Variants in EPRS1 observed in about 807,000 individuals in gnomAD.
EPRS1 encodes bifunctional glutamate/proline--tRNA ligase.
In EPRS1, 107 loss-of-function variants were observed where a neutral mutation model predicts 188.3. The observed-to-expected ratio is 0.57, with a 90% confidence interval of 0.49 to 0.67. EPRS1 has a LOEUF of 0.67. Ranked by LOEUF, EPRS1 falls within the 30% of genes least tolerant of loss-of-function variation. The pLI is 0.00. For synonymous variants in EPRS1, 596 were observed against 593.1 expected (o/e 1.00, Z -0.07); for missense variants, 1,577 against 1,802.2 (o/e 0.88, Z 2.26).
At chr1:220,034,884 A>C in intron 3 of EPRS1, 30 bp downstream of exon 3, 5 of 1,245,808 alleles carry the variant, frequency 4.0e-6, no homozygotes, top group Non-Finnish European at 5.9e-6. Flanking sequence ...CATAAGACAA[A>C]ACACACACAA....
rs1476347225 is a variant in EPRS1, at chr1:219,997,316, TG to T, written c.2207del (p.Pro736GlnfsTer5). 6.2e-7 allele frequency: 1 copy of T among 1,607,264 alleles called. No individual in the cohort carries two copies. The highest frequency in any genetic ancestry group is 1.7e-5 in the Admixed American group (1 of 58,964). ...NETSAPFKERPTPSLNNNCTT... is the reference protein window; with the variant it reads ...NETSAPFKERXTPSLNNNCTT... ...TACAATTATTATTCAGAGAAGGTGT[TG>T]GTCTTTCCTTAAAAGGAGCAGAGGT... is the stretch of plus-strand genomic sequence containing the variant. On this transcript the variant is annotated frameshift_variant, in exon 18 of 32. Coordinates refer to ENST00000366923, the MANE Select transcript of EPRS1 (RefSeq NM_004446.3). LOFTEE classifies it high-confidence loss of function.
intron 17 of EPRS1, among the ~76,000 whole-genome samples, chr1:219,999,943 T>G (rs1440012654): frequency 6.6e-6 from 1 of 151,976 alleles, no homozygotes; most frequent in Admixed American, 6.6e-5. Context: ...ACCACTGCAC[T>G]CCAGCCTGGG....
chr1:220,018,321 C>A, intron 12 of EPRS1, 128 bp downstream of exon 12: 1 of 965,338 alleles, frequency 1.0e-6, no homozygotes, highest in East Asian at 2.5e-5. Flanking sequence ...TTCCATTTTC[C>A]TGAAAGTCTG....
intron 1 of EPRS1, 117 bp downstream of exon 1, chr1:220,046,226 G>A: frequency 7.9e-7 from 1 of 1,271,192 alleles, no homozygotes; most frequent in Non-Finnish European, 1.1e-6. Context: ...CGAGGGGCAG[G>A]TCCAACATCC....
At position 220,029,574 on chromosome 1, in the gene EPRS1, T is replaced by A. The variant is rs189878135; in HGVS notation, c.623+812A>T. Among the ~76,000 whole-genome samples, 9 of 152,304 alleles carry A rather than the reference T, an allele frequency of 5.9e-5. No homozygotes were observed. In the East Asian group the frequency reaches 1.7e-3, roughly 29 times the overall value. ...TGATAGAATACAAAATCTGAAAAAA[T>A]TAAATTTGGAAATCTTAAATTTGGA... On this transcript the variant is annotated intron_variant, in intron 6 of 31. Transcript: ENST00000366923.
chr1:220,025,419 C>T (rs1441630504), intron 6 of EPRS1, among the ~76,000 whole-genome samples, 161 bp from the exon 7 acceptor site: 1 of 65,802 alleles, frequency 1.5e-5, no homozygotes, highest in East Asian at 5.2e-4. Flanking sequence ...GAAAATCTGA[C>T]CCTGACAGGA....
chr1:220,006,193 T>C lies in EPRS1; in HGVS notation c.1863A>G (p.Val621=). The C allele has an allele frequency of 6.2e-7, 1 of 1,606,498 alleles. No individual in the cohort carries two copies. The highest frequency in any genetic ancestry group is 8.5e-7 in the Non-Finnish European group (1 of 1,175,236). ...TCAAGTGCTCATAAGTGACACAGAT[T>C]ACTGGAATAGGAAGAGCATGTGTAG... The part of the protein sequence containing the change: ...AETTHALPIP[V]ICVTYEHLIT... Residue 621 remains valine (V), a synonymous_variant, in exon 15 of 32, where the codon GTA becomes GTG. Transcript: ENST00000366923.
chr1:219,974,431 T>A (rs1421112445), intron 28 of EPRS1, among the ~76,000 whole-genome samples: 1 of 152,246 alleles, frequency 6.6e-6, no homozygotes, highest in Non-Finnish European at 1.5e-5. Flanking sequence ...ATTAAAATCC[T>A]TAAGGCTTAG....
intron 1 of EPRS1, among the ~76,000 whole-genome samples, chr1:220,045,969 T>C (rs1012139970): frequency 6.6e-6 from 1 of 152,216 alleles, no homozygotes; most frequent in Non-Finnish European, 1.5e-5. Context: ...GCGACGACTA[T>C]TGGATTTTAA....
chr1:220,015,236 G>A (rs149135370), intron 12 of EPRS1, among the ~76,000 whole-genome samples: 3,053 of 152,110 alleles, frequency 0.02, 95 homozygotes, highest in African/African-American at 0.062. Flanking sequence ...AGGCTGAGGC[G>A]GGTGGATCAA....
At chr1:220,025,055 T>A (rs758777569) in intron 7 of EPRS1, 77 bp downstream of exon 7, 9 of 1,383,138 alleles carry the variant, frequency 6.5e-6, no homozygotes, top group Non-Finnish European at 8.2e-6. Flanking sequence ...TTTATTTTCA[T>A]ACCATGAAGG....
intron 13 of EPRS1, among the ~76,000 whole-genome samples, chr1:220,008,292 T>A (rs1028629084): frequency 1.3e-5 from 2 of 151,850 alleles, no homozygotes; most frequent in Non-Finnish European, 2.9e-5. Flanking sequence ...ATTATCTATA[T>A]AGATATAGAT....
intron 12 of EPRS1, among the ~76,000 whole-genome samples, chr1:220,016,263 G>A (rs562342964): frequency 2.6e-5 from 4 of 151,588 alleles, no homozygotes; most frequent in Admixed American, 2.6e-4. Flanking sequence ...AGAATCATTT[G>A]AACCCGGGAG....
Position 219,979,488 on chromosome 1 carries a change from A to G in EPRS1, c.3839T>C (p.Ile1280Thr), listed in dbSNP as rs1660850864. Residue 1280 changes from isoleucine (I) to threonine (T), a missense_variant, in exon 27 of 32, where the codon ATT becomes ACT. By Grantham distance (89) the Ile-to-Thr change is moderately conservative. Around this residue, in one of 3 missense-constraint regions of EPRS1, gnomAD observed 296 missense variants for 327.9 expected, o/e 0.90. Coordinates refer to ENST00000366923, the MANE Select transcript of EPRS1 (RefSeq NM_004446.3). The part of the protein sequence containing the change: ...QNSWGLTTRT[I>T]GVMTMVHGDN... ...CCCATGAACCATGGTCATAACACCA[A>G]TAGTTCGAGTTGTCAGGCCCCAGGA... is the stretch of plus-strand genomic sequence containing the variant. 3 of 1,614,124 alleles carry G rather than the reference A, an allele frequency of 1.9e-6. No individual in the cohort carries two copies. Among genetic ancestry groups the G allele is most frequent in the Non-Finnish European group, 2.5e-6 (3 of 1,179,996 alleles).
Position 220,011,034 on chromosome 1 carries a change from C to T in EPRS1, c.1517G>A (p.Arg506Gln). 3 of 1,611,320 alleles carry T rather than the reference C, an allele frequency of 1.9e-6. No homozygotes were observed. The highest frequency in any genetic ancestry group is 2.5e-6 in the Non-Finnish European group (3 of 1,177,548). The part of the protein sequence containing the change: ...NKKVIDPVAP[R>Q]YVALLKKEVI... ...TTCTTTCTTCAGTAATGCAACATAT[C>T]GTGGAGCCACTGGGTCAATAACCTG... The change falls in exon 13 of 32, where the codon CGA becomes CAA. Residue 506 changes from arginine (R) to glutamine (Q), a missense_variant. Coordinates refer to ENST00000366923, the MANE Select transcript of EPRS1 (RefSeq NM_004446.3).
chr1:220,042,714 G>A (rs1662319932), intron 1 of EPRS1, among the ~76,000 whole-genome samples: 1 of 151,808 alleles, frequency 6.6e-6, no homozygotes, highest in South Asian at 2.1e-4. Flanking sequence ...GAGGTCAAGA[G>A]ATCGAGACCA....
intron 24 of EPRS1, among the ~76,000 whole-genome samples, 199 bp from the exon 25 acceptor site, chr1:219,981,056 A>C (rs1252045231): frequency 6.6e-6 from 1 of 151,990 alleles, no homozygotes; most frequent in Non-Finnish European, 1.5e-5. Context: ...ACGCCAATGC[A>C]GCTGGCTAAT....
At chr1:219,973,131 A>T (rs1660701201) in intron 29 of EPRS1, 107 bp downstream of exon 29, 3 of 854,748 alleles carry the variant, frequency 3.5e-6, no homozygotes, top group Non-Finnish European at 5.6e-6. Flanking sequence ...GTTCAGAGGG[A>T]GGGAACAATT....
chr1:220,036,643 T>C (rs775761923), intron 2 of EPRS1, among the ~76,000 whole-genome samples: 1 of 151,846 alleles, frequency 6.6e-6, no homozygotes, highest in Non-Finnish European at 1.5e-5. Context: ...CGAGAACACA[T>C]GAACACAAAA....
Sources: allele counts gnomAD v4.1 joint callset (sites outside exome capture counted in the v4.1 genomes callset), GRCh38; gene constraint gnomAD v4.1.1; regional missense constraint gnomAD v4.1.1; transcripts MANE v1.5; gene names NCBI Gene and HGNC (gene_info 2026-07-23, HGNC 2026-07-21).